Variants in OPCML observed in about 807,000 individuals in gnomAD.
OPCML encodes opioid-binding protein/cell adhesion molecule.
Under a neutral mutation model 37.8 loss-of-function variants are expected in OPCML, and 13 were observed. That is an observed-to-expected ratio of 0.34 (90% CI 0.22 to 0.55). OPCML has a LOEUF of 0.55. Among genes scored for constraint, OPCML ranks in the 20% least tolerant of loss-of-function variants. OPCML has a pLI of 0.91. For synonymous variants in OPCML, 176 were observed against 168.8 expected, an observed-to-expected ratio of 1.04 and a Z score of -0.33; for missense variants, 341 against 435.6, an observed-to-expected ratio of 0.78 and a Z score of 1.93.
intron 1 of OPCML, among the ~76,000 whole-genome samples, chr11:133,317,359 TTATC>T (rs1943227583): frequency 6.6e-6 from 1 of 152,210 alleles, no homozygotes; most frequent in South Asian, 2.1e-4. Context: ...ATTTGAAAAC[TTATC>T]TATCACAGAA....
At chr11:133,139,373 T>C (rs11223371) in intron 1 of OPCML, among the ~76,000 whole-genome samples, 6,426 of 152,224 alleles carry the variant, frequency 0.042, 155 homozygotes, top group South Asian at 0.073. Context: ...TTAACCTTCC[T>C]GTAAGCTCTA....
At chr11:132,938,487 A>G (rs1439750478) in intron 2 of OPCML, among the ~76,000 whole-genome samples, 2 of 152,226 alleles carry the variant, frequency 1.3e-5, no homozygotes, top group Non-Finnish European at 2.9e-5. Context: ...ATGTGTGAGT[A>G]TTGTCAGTTG....
chr11:133,480,646 CT>C (rs1322194450), intron 1 of OPCML, among the ~76,000 whole-genome samples: 9 of 152,360 alleles, frequency 5.9e-5, no homozygotes, highest in African/African-American at 2.2e-4. Context: ...GCATGAAACT[CT>C]TTCTGACCCC....
intron 1 of OPCML, among the ~76,000 whole-genome samples, chr11:133,115,984 T>TA (rs1949327585): frequency 1.4e-5 from 2 of 140,218 alleles, no homozygotes; most frequent in Non-Finnish European, 3.2e-5. Flanking sequence ...ATATATATAT[T>TA]TTTGAGACGG....
At chr11:133,312,724 C>T in intron 1 of OPCML, among the ~76,000 whole-genome samples, 1 of 152,144 alleles carries the variant, frequency 6.6e-6, no homozygotes, top group East Asian at 1.9e-4. Flanking sequence ...ACCTGCTTAG[C>T]TAAAAAATAG....
chr11:132,522,556 G>C (rs1285938224), intron 4 of OPCML, among the ~76,000 whole-genome samples: 5 of 152,190 alleles, frequency 3.3e-5, no homozygotes, highest in Admixed American at 6.5e-5. Flanking sequence ...CTACAGTTCA[G>C]AAATAACTGT....
intron 2 of OPCML, among the ~76,000 whole-genome samples, chr11:132,754,653 A>G (rs574501292): frequency 6.6e-6 from 1 of 152,276 alleles, no homozygotes; most frequent in South Asian, 2.1e-4. Flanking sequence ...CTCCTGAGAA[A>G]GAGGATAAGG....
intron 2 of OPCML, among the ~76,000 whole-genome samples, chr11:132,774,145 T>G (rs2136130665): frequency 6.6e-6 from 1 of 152,274 alleles, no homozygotes; most frequent in South Asian, 2.1e-4. Flanking sequence ...ACTCTATGTG[T>G]TAAGCTTCAT....
intron 2 of OPCML, among the ~76,000 whole-genome samples, chr11:132,690,608 T>C (rs902660181): frequency 1.3e-5 from 2 of 152,216 alleles, no homozygotes; most frequent in Non-Finnish European, 2.9e-5. Flanking sequence ...TCTTTTTTCC[T>C]TCCACTGGTT....
chr11:133,483,820 G>GATAA (rs1555165682), intron 1 of OPCML, among the ~76,000 whole-genome samples: 18 of 149,646 alleles, frequency 1.2e-4, no homozygotes, highest in African/African-American at 3.0e-4. Context: ...TAGATAGATA[G>GATAA]ATAGATAGGA....
chr11:132,596,520 A>T (rs1565695779), intron 3 of OPCML, among the ~76,000 whole-genome samples: 1 of 152,162 alleles, frequency 6.6e-6, no homozygotes, highest in Non-Finnish European at 1.5e-5. Flanking sequence ...AAGTTTGCAT[A>T]TGCATGCACC....
intron 2 of OPCML, among the ~76,000 whole-genome samples, chr11:132,887,897 T>C (rs1029835063): frequency 3.9e-5 from 6 of 152,206 alleles, no homozygotes; most frequent in African/African-American, 1.4e-4. Flanking sequence ...AGAGAATTTC[T>C]CTCAGGGATT....
chr11:133,215,995 G>A (rs1358101241), intron 1 of OPCML, among the ~76,000 whole-genome samples: 1 of 152,154 alleles, frequency 6.6e-6, no homozygotes, highest in Non-Finnish European at 1.5e-5. Flanking sequence ...GCCACCAGGA[G>A]GGGGTGGGAG....
chr11:133,275,227 G>T (rs1941959427), intron 1 of OPCML, among the ~76,000 whole-genome samples: 2 of 152,118 alleles, frequency 1.3e-5, no homozygotes, highest in African/African-American at 4.8e-5. Context: ...TGTATTTCCT[G>T]CATAACCTAG....
At chr11:132,759,725 T>C (rs1021881522) in intron 2 of OPCML, among the ~76,000 whole-genome samples, 2 of 152,170 alleles carry the variant, frequency 1.3e-5, no homozygotes, top group African/African-American at 2.4e-5. Context: ...TCTATCTATT[T>C]TGTTAATCTT....
intron 4 of OPCML, among the ~76,000 whole-genome samples, chr11:132,438,991 T>A (rs1345047083): frequency 6.6e-6 from 1 of 152,116 alleles, no homozygotes; most frequent in Non-Finnish European, 1.5e-5. Context: ...TGGCTACCAA[T>A]CATCTATTTA....
At chr11:132,958,689 G>A (rs1946020804) in intron 1 of OPCML, among the ~76,000 whole-genome samples, 1 of 152,206 alleles carries the variant, frequency 6.6e-6, no homozygotes, top group Non-Finnish European at 1.5e-5. Context: ...GGGCCCTTAA[G>A]AATCATGCCA....
Position 133,025,331 on chromosome 11 carries a change from T to C in OPCML, c.62-82321A>G, listed in dbSNP as rs185248013. ...ATGTTGACATTTCTGTGGATGATTATGGCTGTTATTAAGTTTTCGATTATA... is the reference window on the plus strand; with the variant it reads ...ATGTTGACATTTCTGTGGATGATTACGGCTGTTATTAAGTTTTCGATTATA... On this transcript the variant is annotated intron_variant, in intron 1 of 7. Coordinates refer to ENST00000524381, the MANE Select transcript of OPCML (RefSeq NM_001012393.5). The C allele has an allele frequency of 1.5e-5, 15 of 985,406 alleles. No homozygotes were observed. In the African/African-American group the frequency reaches 2.6e-4, roughly 17 times the overall value. 61.0% of individuals were successfully genotyped at this position (985,406 alleles called of 1,614,324 possible).
At chr11:133,430,693 G>A (rs1946098148) in intron 1 of OPCML, among the ~76,000 whole-genome samples, 1 of 152,080 alleles carries the variant, frequency 6.6e-6, no homozygotes, top group South Asian at 2.1e-4. Context: ...AAACACCAAG[G>A]GAAAGTTCAG....
Sources: gnomAD v4.1 joint callset for allele counts (sites outside exome capture counted in the v4.1 genomes callset) on GRCh38, gnomAD v4.1.1 for gene constraint, MANE v1.5 for transcripts, NCBI Gene and HGNC (gene_info 2026-07-23, HGNC 2026-07-21) for gene names.